The following SYNPR variants were observed in gnomAD, a reference collection of about 807,000 sequenced individuals.
SYNPR encodes the protein synaptoporin.
Under a neutral mutation model 32.9 loss-of-function variants are expected in SYNPR, and 23 were observed. That is an observed-to-expected ratio of 0.70 (90% CI 0.50 to 0.99). The LOEUF is 0.99. Among genes scored for constraint, SYNPR ranks in the 50% least tolerant of loss-of-function variants. The pLI, the probability that SYNPR is intolerant of heterozygous loss-of-function variation, is 0.00. For synonymous variants in SYNPR, 146 were observed against 135.9 expected, an observed-to-expected ratio of 1.07 and a Z score of -0.52; for missense variants, 318 against 349.3, an observed-to-expected ratio of 0.91 and a Z score of 0.71.
chr3:63,259,949 A>G (rs1275679898), intron 2 of SYNPR, among the ~76,000 whole-genome samples: 4 of 152,236 alleles, frequency 2.6e-5, no homozygotes, highest in Non-Finnish European at 5.9e-5. Context: ...GAGCCAAATC[A>G]TGAGTGAACT....
intron 2 of SYNPR, among the ~76,000 whole-genome samples, chr3:63,286,037 G>C (rs192597044): frequency 6.6e-6 from 1 of 152,160 alleles, no homozygotes; most frequent in Non-Finnish European, 1.5e-5. Context: ...GCAAGTTAAA[G>C]TCTTGGCAAA....
chr3:63,606,259 T>G (rs1700117475), intron 4 of SYNPR, among the ~76,000 whole-genome samples: 1 of 152,080 alleles, frequency 6.6e-6, no homozygotes, highest in African/African-American at 2.4e-5. Flanking sequence ...GATGCCTCTT[T>G]ACAAAATGGC....
At chr3:63,349,865 T>C (rs1387267019) in intron 2 of SYNPR, among the ~76,000 whole-genome samples, 1 of 152,238 alleles carries the variant, frequency 6.6e-6, no homozygotes, top group Non-Finnish European at 1.5e-5. Context: ...TCTTGTCTTT[T>C]GGTTTCATTT....
At chr3:63,226,600 A>G (rs2086130127), upstream of SYNPR, among the ~76,000 whole-genome samples, 1 of 152,210 alleles carries the variant, frequency 6.6e-6, no homozygotes, top group South Asian at 2.1e-4. Flanking sequence ...CAAGCTGGGT[A>G]CAGAAAGACA....
intron 2 of SYNPR, among the ~76,000 whole-genome samples, chr3:63,339,734 G>A (rs538702866): frequency 7.3e-5 from 11 of 151,490 alleles, no homozygotes; most frequent in Admixed American, 1.3e-4. Flanking sequence ...CTCAGCTCGC[G>A]TCAACCTCCA....
At chr3:63,300,262 C>T (rs971455354) in intron 2 of SYNPR, among the ~76,000 whole-genome samples, 1 of 152,036 alleles carries the variant, frequency 6.6e-6, no homozygotes, top group Non-Finnish European at 1.5e-5. Context: ...AAATTTATTA[C>T]TCAGGGTCCC....
intron 2 of SYNPR, among the ~76,000 whole-genome samples, chr3:63,263,492 G>A (rs1295264840): frequency 6.6e-6 from 1 of 152,212 alleles, no homozygotes; most frequent in African/African-American, 2.4e-5. Context: ...CTTAGTGACT[G>A]AACACAACAA....
At chr3:63,494,141 T>C (rs1306376741) in intron 3 of SYNPR, among the ~76,000 whole-genome samples, 2 of 151,728 alleles carry the variant, frequency 1.3e-5, no homozygotes, top group Non-Finnish European at 2.9e-5. Context: ...GATGTTTTTA[T>C]TTTTTGTTAT....
chr3:63,332,395 A>G (rs1260766890), intron 2 of SYNPR, among the ~76,000 whole-genome samples: 1 of 152,204 alleles, frequency 6.6e-6, no homozygotes, highest in Non-Finnish European at 1.5e-5. Context: ...TAACTGATCA[A>G]TTAATGACTG....
chr3:63,250,783 C>T (rs1338833722), intron 1 of SYNPR, among the ~76,000 whole-genome samples: 1 of 152,166 alleles, frequency 6.6e-6, no homozygotes, highest in East Asian at 1.9e-4. Context: ...TTCACGTTAA[C>T]CATGATGTCA....
intron 5 of SYNPR, among the ~76,000 whole-genome samples, chr3:63,609,857 C>G (rs1700173944): frequency 6.6e-6 from 1 of 152,128 alleles, no homozygotes. Flanking sequence ...TTGCAGTGAG[C>G]CAAGATCAGG....
upstream of SYNPR, among the ~76,000 whole-genome samples, chr3:63,227,847 A>T (rs1242362976): frequency 6.6e-6 from 1 of 152,296 alleles, no homozygotes; most frequent in East Asian, 1.9e-4. Flanking sequence ...TTCTAACTCC[A>T]AGAGTTAGAA....
At chr3:63,496,333 C>A (rs1701372535) in intron 3 of SYNPR, among the ~76,000 whole-genome samples, 1 of 151,898 alleles carries the variant, frequency 6.6e-6, no homozygotes, top group Non-Finnish European at 1.5e-5. Context: ...AATATATTTT[C>A]ATGTCAACCC....
chr3:63,384,740 C>T (rs189252402), intron 2 of SYNPR, among the ~76,000 whole-genome samples: 3 of 152,124 alleles, frequency 2.0e-5, no homozygotes, highest in Admixed American at 1.3e-4. Context: ...AAATGCTGTA[C>T]ATTGATTTTT....
intron 3 of SYNPR, among the ~76,000 whole-genome samples, chr3:63,269,356 G>A (rs1216409095): frequency 6.6e-6 from 1 of 152,086 alleles, no homozygotes; most frequent in African/African-American, 2.4e-5. Flanking sequence ...TGGCGTGGTG[G>A]TAGGCACCTA....
chr3:63,321,513 AT>A, intron 2 of SYNPR, among the ~76,000 whole-genome samples: 1 of 152,200 alleles, frequency 6.6e-6, no homozygotes, highest in East Asian at 1.9e-4. Context: ...AGAGCAATTA[AT>A]TTTAAGCCCC....
intron 2 of SYNPR, among the ~76,000 whole-genome samples, chr3:63,431,066 G>T (rs746471197): frequency 2.0e-5 from 3 of 152,162 alleles, no homozygotes; most frequent in Admixed American, 6.6e-5. Context: ...TGAAGCTGTT[G>T]CTTCCTGGGC....
intron 2 of SYNPR, among the ~76,000 whole-genome samples, chr3:63,293,783 C>CTG (rs35599811): frequency 0.017 from 2,520 of 150,268 alleles, 31 homozygotes; most frequent in African/African-American, 0.043. Flanking sequence ...CATGGTTATA[C>CTG]TGTGTGTGTG....
intron 4 of SYNPR, among the ~76,000 whole-genome samples, chr3:63,563,146 C>G (rs762710071): frequency 1.3e-5 from 2 of 152,186 alleles, no homozygotes; most frequent in Non-Finnish European, 2.9e-5. Flanking sequence ...CTGTCTTCCT[C>G]CAGTCCTTCT....
Sources: gnomAD v4.1 joint callset for allele counts (sites outside exome capture counted in the v4.1 genomes callset) on GRCh38, gnomAD v4.1.1 for gene constraint, MANE v1.5 for transcripts, NCBI Gene and HGNC (gene_info 2026-07-23, HGNC 2026-07-21) for gene names.